RASA3: variants seen among roughly 807,000 people sequenced by gnomAD.
RASA3 encodes RAS p21 protein activator 3.
Under a neutral mutation model 110.0 loss-of-function variants are expected in RASA3, and 73 were observed. That is an observed-to-expected ratio of 0.66 (90% CI 0.55 to 0.81). The LOEUF (loss-of-function observed/expected upper bound fraction) is 0.81. Ranked by LOEUF, RASA3 falls within the 30% of genes least tolerant of loss-of-function variation. The pLI, the probability that RASA3 is intolerant of heterozygous loss-of-function variation, is 0.00. For missense variants in RASA3, 976 were observed against 1,113.2 expected, an observed-to-expected ratio of 0.88 and a Z score of 1.75; for synonymous variants, 500 against 451.4, an observed-to-expected ratio of 1.11 and a Z score of -1.37.
chr13:114,014,332 G>C lies in RASA3; in HGVS notation c.1405+877C>G, dbSNP rs1216056619. Among the ~76,000 whole-genome samples, 2 of 152,212 alleles carry C rather than the reference G, an allele frequency of 1.3e-5. No individual in the cohort carries two copies. The highest frequency in any genetic ancestry group is 2.9e-5 in the Non-Finnish European group (2 of 68,034). ...TGGGGCTGGGATGTGCTTGGGAACT[G>C]CCTCCCCCAGAACCCTGGGCCCCTC... On this transcript the variant is annotated intron_variant, in intron 14 of 23. Coordinates refer to ENST00000334062, the MANE Select transcript of RASA3 (RefSeq NM_007368.4). This position sits in a 1 kb window ranked among gnomAD's most constrained non-coding sequence, Gnocchi z 4.5.
intron 3 of RASA3, among the ~76,000 whole-genome samples, chr13:114,045,925 T>C (rs4883664): frequency 0.13 from 16,202 of 121,724 alleles, 1,224 homozygotes; most frequent in African/African-American, 0.26. Context: ...ATGAGAGAAA[T>C]TGGAAAGACC....
At chr13:114,105,408 C>T (rs770670742) in intron 1 of RASA3, among the ~76,000 whole-genome samples, 21 of 152,268 alleles carry the variant, frequency 1.4e-4, no homozygotes, top group Middle Eastern at 3.4e-3. Flanking sequence ...CAAGGGGTGC[C>T]GCAGAGCTCT....
At chr13:114,023,452 G>A (rs61671924) in intron 8 of RASA3, among the ~76,000 whole-genome samples, 1 of 152,378 alleles carries the variant, frequency 6.6e-6, no homozygotes, top group African/African-American at 2.4e-5. Flanking sequence ...GGGCTTCAGG[G>A]GAGGCTCATC....
rs571354397 is a variant in RASA3 at position 113,980,091 on chromosome 13, A to C, written c.2430-669T>G. 1.3e-4 allele frequency among the ~76,000 whole-genome samples: 8 copies of C among 63,598 alleles called. No homozygotes were observed. The East Asian group carries it at 1.8e-3, about 14-fold the overall frequency. 41.7% of individuals were successfully genotyped at this position (63,598 alleles called of 152,430 possible). A position where few individuals can be genotyped will look rare whatever the true frequency, so the allele number is the denominator to read the frequency against. ...CTCCCATGTGTGTGCACCACCTCCC[A>C]CGTGTGTGCACCCCTCTCGCATGTG... On this transcript the variant is annotated intron_variant, in intron 23 of 23. Transcript: ENST00000334062.
intron 23 of RASA3, among the ~76,000 whole-genome samples, chr13:113,980,390 C>A (rs1020522999): frequency 2.7e-5 from 4 of 146,674 alleles, no homozygotes; most frequent in African/African-American, 1.0e-4. Context: ...TGCCTCCTCC[C>A]ACGTGTGCAC....
intron 1 of RASA3, among the ~76,000 whole-genome samples, chr13:114,131,660 G>A (rs1015425259): frequency 6.6e-6 from 1 of 152,204 alleles, no homozygotes; most frequent in Admixed American, 6.5e-5. Flanking sequence ...CGATGGGTCC[G>A]GGGTCTCCCC....
At chr13:113,990,334 G>A (rs1200255964) in intron 22 of RASA3, among the ~76,000 whole-genome samples, 1 of 152,230 alleles carries the variant, frequency 6.6e-6, no homozygotes, top group Non-Finnish European at 1.5e-5. Flanking sequence ...GCGCAAGGGT[G>A]TTCCCAGCAG....
Position 114,018,789 on chromosome 13 carries a change from G to A in RASA3, c.916C>T (p.Leu306=). ...SSDYYSPLRD[L]LLKSADVEPV... ...TCCACATCCGCAGACTTCAACAGCAGGTCCCGCAGAGGGCTGTAATAGTCA... is the reference window on the plus strand; with the variant it reads ...TCCACATCCGCAGACTTCAACAGCAAGTCCCGCAGAGGGCTGTAATAGTCA... The change falls in exon 10 of 24, where the codon CTG becomes TTG. Residue 306 remains leucine (L), a synonymous_variant. Transcript: ENST00000334062. 1.2e-6 allele frequency: 2 copies of A among 1,613,508 alleles called. No individual in the cohort carries two copies. The highest frequency in any genetic ancestry group is 1.3e-5 in the African/African-American group (1 of 75,078).
chr13:114,052,632 C>G lies in RASA3; in HGVS notation c.174-477G>C, dbSNP rs1012126551. ...TGACTGCCCAGCCGCCCTCACTCCT[C>G]GGGGAGAGACCCCCGCTGCTGACTG... On this transcript the variant is annotated intron_variant, in intron 2 of 23. Transcript: ENST00000334062. 6.5e-4 allele frequency among the ~76,000 whole-genome samples: 98 copies of G among 149,970 alleles called. 1 individual carries two copies. Among genetic ancestry groups the G allele is most frequent in the Admixed American group, 4.6e-4 (7 of 15,148 alleles).
At chr13:114,034,652 A>G (rs2054246513) in intron 4 of RASA3, among the ~76,000 whole-genome samples, 1 of 152,278 alleles carries the variant, frequency 6.6e-6, no homozygotes, top group Non-Finnish European at 1.5e-5. Flanking sequence ...CAGAAAAGCC[A>G]ATGAGTAAAT....
intron 4 of RASA3, among the ~76,000 whole-genome samples, chr13:114,036,704 A>T (rs1400921035): frequency 6.6e-6 from 1 of 152,062 alleles, no homozygotes; most frequent in Non-Finnish European, 1.5e-5. Flanking sequence ...CGCCCGGCTA[A>T]TTTTGTATTT....
intron 1 of RASA3, among the ~76,000 whole-genome samples, chr13:114,099,348 T>G (rs2079992044): frequency 6.6e-6 from 1 of 151,496 alleles, no homozygotes; most frequent in South Asian, 2.1e-4. Flanking sequence ...CTGCAGCCAC[T>G]CCCAGGCCTC....
At chr13:114,045,149 C>T (rs182296092) in intron 3 of RASA3, among the ~76,000 whole-genome samples, 160 of 152,312 alleles carry the variant, frequency 1.1e-3, no homozygotes, top group African/African-American at 3.7e-3. Context: ...TTGAAGCATG[C>T]GTGTTCGTAT....
At chr13:114,019,458 C>G (rs1302576702) in intron 9 of RASA3, among the ~76,000 whole-genome samples, 4 of 152,252 alleles carry the variant, frequency 2.6e-5, no homozygotes, top group Non-Finnish European at 2.9e-5. Flanking sequence ...ATTTGTGGGC[C>G]AGGCAGTCTA....
intron 22 of RASA3, among the ~76,000 whole-genome samples, chr13:113,982,671 A>G (rs1442678487): frequency 1.3e-5 from 2 of 152,222 alleles, no homozygotes; most frequent in East Asian, 3.9e-4. Context: ...GGATGGAATG[A>G]ATGTTTGTGC....
rs112367486 is a variant in RASA3 at position 114,112,099 on chromosome 13, A to ACCC, written c.55+20333_55+20335dup. ...TCCCTGGAAACAGCAGCCCCCAGGC[A>ACCC]CCCCCCCCAGCAACTGGGACAAGGG... On this transcript the variant is annotated intron_variant, in intron 1 of 23. Transcript: ENST00000334062. The surrounding 1 kb of genome is among the most constrained non-coding windows in gnomAD (Gnocchi z 4.8). Among the ~76,000 whole-genome samples the ACCC allele has an allele frequency of 0.27, 39,801 of 148,082 alleles. 6,334 individuals are homozygous for ACCC. Among genetic ancestry groups the ACCC allele is most frequent in the Non-Finnish European group, 0.37 (24,895 of 66,678 alleles).
intron 9 of RASA3, 41 bp from the exon 10 acceptor site, chr13:114,018,960 A>T: frequency 6.2e-7 from 1 of 1,609,966 alleles, no homozygotes; most frequent in Non-Finnish European, 8.5e-7. Flanking sequence ...ATGAGGCTGC[A>T]TCTGCCAAGG....
Position 114,103,313 on chromosome 13 carries a change from C to T in RASA3, c.55+29122G>A, listed in dbSNP as rs538409432. 7.2e-5 allele frequency among the ~76,000 whole-genome samples: 11 copies of T among 152,206 alleles called. No homozygotes were observed. In the East Asian group the frequency reaches 9.7e-4, roughly 13 times the overall value. ...CACAGTGAAGGCTGCCCTGGCCCTT[C>T]GGGGTGTCTGGGAAGAGCCTGGCAT... is the stretch of plus-strand genomic sequence containing the variant. On this transcript the variant is annotated intron_variant, in intron 1 of 23. Coordinates refer to ENST00000334062, the MANE Select transcript of RASA3 (RefSeq NM_007368.4).
At position 114,069,079 on chromosome 13, in the gene RASA3, T is replaced by TG. The variant is rs766198343; in HGVS notation, c.173+4640dup. ...CCGGGCCACACGCAGGGAGGAGGCG[T>TG]GGGGGACACAGGCCTGAGGTGGAGC... On this transcript the variant is annotated intron_variant, in intron 2 of 23. Transcript: ENST00000334062. 2.6e-5 allele frequency among the ~76,000 whole-genome samples: 4 copies of TG among 151,982 alleles called. No homozygotes were observed. The East Asian group carries it at 5.8e-4, about 22-fold the overall frequency.
Sources: allele counts gnomAD v4.1 joint callset (sites outside exome capture counted in the v4.1 genomes callset), GRCh38; gene constraint gnomAD v4.1.1; non-coding constraint Gnocchi (gnomAD v3.1); transcripts MANE v1.5; gene names NCBI Gene and HGNC (gene_info 2026-07-23, HGNC 2026-07-21).